Variants in GJC1 observed in about 807,000 individuals in gnomAD.
The protein encoded by GJC1 is gap junction protein gamma 1, also known as gap junction gamma-1 protein.
GJC1 carries 5 observed loss-of-function variants against 29.3 expected under a neutral mutation model. The ratio of observed to expected loss-of-function variants is 0.17; its 90% CI spans 0.09 to 0.36. The LOEUF is 0.36. Ranked by LOEUF, GJC1 falls within the 10% of genes least tolerant of loss-of-function variation. The probability of loss-of-function intolerance (pLI) is 1.00; values close to 1 mark genes in which losing one functional copy is unlikely to be tolerated. For missense variants in GJC1, 310 were observed against 496.2 expected (o/e 0.62, Z 3.56); for synonymous variants, 177 against 183.3 (o/e 0.97, Z 0.28).
At chr17:44,818,783 A>G (rs1293326165) in intron 1 of GJC1, among the ~76,000 whole-genome samples, 1 of 151,924 alleles carries the variant, frequency 6.6e-6, no homozygotes, top group African/African-American at 2.4e-5. Flanking sequence ...CAAGAGAGCA[A>G]AAGAGCAAAA....
At chr17:44,827,734 C>T (rs1318554064) in intron 1 of GJC1, among the ~76,000 whole-genome samples, 1 of 152,014 alleles carries the variant, frequency 6.6e-6, no homozygotes, top group Non-Finnish European at 1.5e-5. Context: ...AGATCGGGAC[C>T]ATCATGGCTA....
rs1597740767 is a variant in GJC1, at chr17:44,804,944, T to C, written c.874A>G (p.Ile292Val). The change falls in exon 3 of 3, where the codon ATT becomes GTT. Residue 292 changes from isoleucine to valine, a missense_variant. Ile to Val is a conservative substitution (Grantham distance 29). This residue lies in a region of GJC1 where 146 missense variants were observed against 165.0 expected (regional missense o/e 0.88). Coordinates refer to ENST00000592524, the MANE Select transcript of GJC1 (RefSeq NM_005497.4). ...NTPSAPPGYN[I>V]AVKPDQIQYT... Reference sequence around the variant, plus strand: ...TGGATTTGATCTGGTTTGACAGCAATGTTATAGCCAGGGGGAGCAGATGGT... The same window carrying C: ...TGGATTTGATCTGGTTTGACAGCAACGTTATAGCCAGGGGGAGCAGATGGT... 6.2e-7 allele frequency: 1 copy of C among 1,614,156 alleles called. No homozygotes were observed. Among genetic ancestry groups the C allele is most frequent in the East Asian group, 2.2e-5 (1 of 44,876 alleles).
At chr17:44,795,835 G>A (rs1351100923), downstream of GJC1, among the ~76,000 whole-genome samples, 1 of 152,256 alleles carries the variant, frequency 6.6e-6, no homozygotes, top group Admixed American at 6.5e-5. Flanking sequence ...TGCAAGGACA[G>A]AGGGCTTTCT....
chr17:44,809,282 C>T (rs1360910151), intron 1 of GJC1, among the ~76,000 whole-genome samples: 7 of 152,162 alleles, frequency 4.6e-5, no homozygotes, highest in Admixed American at 6.6e-5. Context: ...CAGTACAGCT[C>T]CCATTTCTAG....
chr17:44,801,108 CCT>C lies in GJC1; in HGVS notation c.*3517_*3518del. The C allele has an allele frequency of 6.6e-6, 1 of 151,954 alleles. No individual in the cohort carries two copies. Among genetic ancestry groups the C allele is most frequent in the South Asian group, 2.1e-4 (1 of 4,806 alleles). 9.4% of individuals were successfully genotyped at this position (151,954 alleles called of 1,614,324 possible). ...GCCAGCCTGGCCAACATGATGAAGC[CCT>C]GTCTATATTAAAAATACAAAAAAAA... On this transcript the variant is annotated 3_prime_UTR_variant, in exon 3 of 3. Coordinates refer to ENST00000592524, the MANE Select transcript of GJC1 (RefSeq NM_005497.4).
rs147008318 is a variant in GJC1, at chr17:44,809,197, A to C, written c.-96-1728T>G. Among the ~76,000 whole-genome samples, 590 of 152,240 alleles carry C rather than the reference A, an allele frequency of 3.9e-3. 2 individuals are homozygous for C. The highest frequency in any genetic ancestry group is 0.013 in the African/African-American group (560 of 41,552). On this transcript the variant is annotated intron_variant, in intron 1 of 2. Coordinates refer to ENST00000592524, the MANE Select transcript of GJC1 (RefSeq NM_005497.4). ...GATCACTTGAACTTGGGAGCTTGAGACTGCAATGAGCTATGATCATACCAC... is the reference window on the plus strand; with the variant it reads ...GATCACTTGAACTTGGGAGCTTGAGCCTGCAATGAGCTATGATCATACCAC...
At position 44,802,223 on chromosome 17, in the gene GJC1, A is replaced by C. The variant is rs78671762; in HGVS notation, c.*2404T>G. 2.0e-5 allele frequency: 3 copies of C among 152,250 alleles called. No individual in the cohort carries two copies. Among genetic ancestry groups the C allele is most frequent in the African/African-American group, 7.2e-5 (3 of 41,550 alleles). The allele number at this position is 152,250 out of a possible 1,614,324, so 9.4% of individuals were successfully genotyped here. ...AATTAAGTGGATGCTTCTGGCGCCAAATGTCTTTGCCTGGTTCTTCCTGGC... is the reference window on the plus strand; with the variant it reads ...AATTAAGTGGATGCTTCTGGCGCCACATGTCTTTGCCTGGTTCTTCCTGGC... On this transcript the variant is annotated 3_prime_UTR_variant, in exon 3 of 3. Coordinates refer to ENST00000592524, the MANE Select transcript of GJC1 (RefSeq NM_005497.4).
intron 1 of GJC1, among the ~76,000 whole-genome samples, chr17:44,828,073 G>C (rs2050195086): frequency 6.6e-6 from 1 of 152,128 alleles, no homozygotes; most frequent in African/African-American, 2.4e-5. Flanking sequence ...CAATTGATAG[G>C]CAAGCCTGGA....
intron 2 of GJC1, among the ~76,000 whole-genome samples, chr17:44,806,118 C>A (rs1341623973): frequency 6.6e-6 from 1 of 152,004 alleles, no homozygotes; most frequent in Non-Finnish European, 1.5e-5. Flanking sequence ...TACAAAAATA[C>A]AAAAATTACC....
chr17:44,821,125 A>T (rs531169346), intron 1 of GJC1, among the ~76,000 whole-genome samples: 1 of 152,324 alleles, frequency 6.6e-6, no homozygotes, highest in African/African-American at 2.4e-5. Context: ...GCAAAAAGCC[A>T]TTCTATTTGA....
At chr17:44,822,513 G>A (rs1275167124) in intron 1 of GJC1, among the ~76,000 whole-genome samples, 41 of 151,586 alleles carry the variant, frequency 2.7e-4, no homozygotes, top group Non-Finnish European at 2.9e-5. Flanking sequence ...CGTGGTGGCA[G>A]GCGCCTGTAA....
At chr17:44,816,898 G>T (rs2050049624) in intron 1 of GJC1, among the ~76,000 whole-genome samples, 1 of 152,064 alleles carries the variant, frequency 6.6e-6, no homozygotes, top group Non-Finnish European at 1.5e-5. Flanking sequence ...TTAAAGATGA[G>T]GAAATCAGGT....
intron 1 of GJC1, among the ~76,000 whole-genome samples, chr17:44,809,183 C>T (rs2049945904): frequency 6.6e-6 from 1 of 152,154 alleles, no homozygotes; most frequent in South Asian, 2.1e-4. Flanking sequence ...ATCACTTGAA[C>T]TTGGGAGCTT....
chr17:44,808,782 A>G (rs1292532280), intron 1 of GJC1, among the ~76,000 whole-genome samples: 1 of 152,032 alleles, frequency 6.6e-6, no homozygotes, highest in Non-Finnish European at 1.5e-5. Flanking sequence ...AAAGATTTAC[A>G]TATGAAGAAT....
chr17:44,821,316 G>GA (rs1406740575), intron 1 of GJC1, among the ~76,000 whole-genome samples: 4 of 152,260 alleles, frequency 2.6e-5, no homozygotes, highest in Middle Eastern at 6.8e-3. Context: ...GCTCAGTCTA[G>GA]AAAAACGAAC....
downstream of GJC1, among the ~76,000 whole-genome samples, chr17:44,797,117 T>G (rs1393329451): frequency 1.4e-5 from 2 of 144,742 alleles, no homozygotes; most frequent in Admixed American, 6.7e-5. Flanking sequence ...TAATTATTAT[T>G]TTTTTTGAGA....
chr17:44,825,188 C>CAAAA (rs1162077867), intron 1 of GJC1, among the ~76,000 whole-genome samples: 778 of 45,988 alleles, frequency 0.017, 147 homozygotes, highest in African/African-American at 0.067. Flanking sequence ...GTCTCAATTA[C>CAAAA]AAAAAAAAAA....
At chr17:44,818,292 TA>T (rs1462861850) in intron 1 of GJC1, among the ~76,000 whole-genome samples, 2 of 152,052 alleles carry the variant, frequency 1.3e-5, no homozygotes, top group East Asian at 3.8e-4. Flanking sequence ...TCTTAAAATG[TA>T]AAATGGAATG....
At chr17:44,825,445 G>A (rs1251087787) in intron 1 of GJC1, among the ~76,000 whole-genome samples, 2 of 151,754 alleles carry the variant, frequency 1.3e-5, no homozygotes, top group Non-Finnish European at 2.9e-5. Flanking sequence ...GAGATTGCGC[G>A]ACTGCACTCC....
Sources: allele counts gnomAD v4.1 joint callset (sites outside exome capture counted in the v4.1 genomes callset), GRCh38; gene constraint gnomAD v4.1.1; regional missense constraint gnomAD v4.1.1; transcripts MANE v1.5; gene names NCBI Gene and HGNC (gene_info 2026-07-23, HGNC 2026-07-21).